The following CMIP variants were observed in gnomAD, a reference collection of about 807,000 sequenced individuals.
CMIP encodes C-Maf-inducing protein.
A neutral mutation model predicts 97.3 loss-of-function variants in CMIP; 13 were observed. That is an observed-to-expected ratio of 0.13 (90% CI 0.09 to 0.21). The LOEUF is 0.21. Ranked by LOEUF, CMIP falls within the 10% of genes least tolerant of loss-of-function variation. The pLI is 1.00. For missense variants in CMIP, 847 were observed against 1,024.9 expected, an observed-to-expected ratio of 0.83 and a Z score of 2.37; for synonymous variants, 538 against 436.3, an observed-to-expected ratio of 1.23 and a Z score of -2.91.
intron 14 of CMIP, among the ~76,000 whole-genome samples, chr16:81,698,989 C>T (rs778230369): frequency 1.1e-4 from 16 of 152,320 alleles, no homozygotes; most frequent in South Asian, 2.1e-4. Flanking sequence ...CAGTGGCTCA[C>T]GCCTGTAATC....
In CMIP at chr16:81,445,284, C is replaced by A. The variant is rs1457256388; in HGVS notation, c.43C>A (p.Gln15Lys). 1 of 1,550,060 alleles carries A rather than the reference C, an allele frequency of 6.5e-7. No individual in the cohort carries two copies. Among genetic ancestry groups the A allele is most frequent in the African/African-American group, 1.4e-5 (1 of 73,048 alleles). Reference sequence around the variant, plus strand: ...CTCGGGCGGCGGCGGCGACCCCCGGCAGATCGAGGAGACCAAGCCGCTGCT... The same window carrying A: ...CTCGGGCGGCGGCGGCGACCCCCGGAAGATCGAGGAGACCAAGCCGCTGCT... ...SSSGGGGDPRQIEETKPLLGG... is the reference protein window; with the variant it reads ...SSSGGGGDPRKIEETKPLLGG... The change falls in exon 1 of 21, where the codon CAG becomes AAG. Residue 15 changes from glutamine (Q) to lysine (K), a missense_variant. Physicochemically the swap from Gln to Lys is moderately conservative, Grantham distance 53. Around this residue, in one of 4 missense-constraint regions of CMIP, gnomAD observed 94 missense variants for 79.9 expected, o/e 1.18. Transcript: ENST00000537098.
At chr16:81,573,370 G>C (rs8062503) in intron 1 of CMIP, among the ~76,000 whole-genome samples, 95,696 of 151,470 alleles carry the variant, frequency 0.63, 30,409 homozygotes, top group Non-Finnish European at 0.65. Context: ...AAAAAGGCAT[G>C]TTTTCCCTAA....
At chr16:81,500,905 A>G (rs945143231) in intron 1 of CMIP, among the ~76,000 whole-genome samples, 2 of 151,960 alleles carry the variant, frequency 1.3e-5, no homozygotes, top group African/African-American at 4.8e-5. Context: ...GCGTCTTTGA[A>G]GTCCTCACGA....
chr16:81,604,858 G>T (rs975291390), intron 1 of CMIP, among the ~76,000 whole-genome samples: 1 of 152,192 alleles, frequency 6.6e-6, no homozygotes, highest in Non-Finnish European at 1.5e-5. Context: ...GTTGTGGGTG[G>T]TGCTTACAGT....
intron 1 of CMIP, among the ~76,000 whole-genome samples, chr16:81,556,519 A>G (rs1445837128): frequency 6.6e-6 from 1 of 152,176 alleles, no homozygotes; most frequent in East Asian, 1.9e-4. Flanking sequence ...CCGTTGTTTT[A>G]TCAGTGGCCC....
intron 6 of CMIP, among the ~76,000 whole-genome samples, chr16:81,661,715 T>C (rs938278612): frequency 6.6e-6 from 1 of 152,172 alleles, no homozygotes; most frequent in Non-Finnish European, 1.5e-5. Flanking sequence ...AAGGGGGCTG[T>C]GGTGCGCTTG....
At chr16:81,707,693 G>A (rs1394426238) in intron 20 of CMIP, among the ~76,000 whole-genome samples, 1 of 152,240 alleles carries the variant, frequency 6.6e-6, no homozygotes, top group Non-Finnish European at 1.5e-5. Flanking sequence ...GAAGGCAGGG[G>A]CGTTTTAAGA....
rs921965642 is a variant in CMIP, at chr16:81,453,604, G to A, written c.300+8063G>A. Among the ~76,000 whole-genome samples, 2 of 152,184 alleles carry A rather than the reference G, an allele frequency of 1.3e-5. No individual in the cohort carries two copies. Among genetic ancestry groups the A allele is most frequent in the Non-Finnish European group, 2.9e-5 (2 of 68,040 alleles). On this transcript the variant is annotated intron_variant, in intron 1 of 20. Coordinates refer to ENST00000537098, the MANE Select transcript of CMIP (RefSeq NM_198390.3). The surrounding 1 kb of genome is among the most constrained non-coding windows in gnomAD (Gnocchi z 4.0). ...TGTTTACCAACACACACACCGGTGCGAGGCTCTGCAGGGAAGGAGAGCCAC... is the reference window on the plus strand; with the variant it reads ...TGTTTACCAACACACACACCGGTGCAAGGCTCTGCAGGGAAGGAGAGCCAC...
Position 81,668,155 on chromosome 16 carries a change from T to A in CMIP, c.826-1987T>A, listed in dbSNP as rs1424665976. 2.0e-5 allele frequency among the ~76,000 whole-genome samples: 3 copies of A among 152,036 alleles called. No individual in the cohort carries two copies. The East Asian group carries it at 5.8e-4, about 29-fold the overall frequency. On this transcript the variant is annotated intron_variant, in intron 7 of 20. Coordinates refer to ENST00000537098, the MANE Select transcript of CMIP (RefSeq NM_198390.3). ...AAGTCCTGATGCAGGCTGCTCTCCT[T>A]AAAAAATGGGTTCCACTGAGATGGG...
At chr16:81,532,529 C>T (rs925458527) in intron 1 of CMIP, among the ~76,000 whole-genome samples, 2 of 152,154 alleles carry the variant, frequency 1.3e-5, no homozygotes, top group Non-Finnish European at 2.9e-5. Flanking sequence ...CAGGGACTAG[C>T]GCTGTTGCCC....
At chr16:81,635,714 C>T (rs1026355859) in intron 3 of CMIP, among the ~76,000 whole-genome samples, 12 of 152,142 alleles carry the variant, frequency 7.9e-5, no homozygotes, top group Admixed American at 3.3e-4. Flanking sequence ...CGTCTGCAAA[C>T]GATCTGGCCC....
Position 81,495,796 on chromosome 16 carries a change from G to T in CMIP, c.300+50255G>T, listed in dbSNP as rs555201312. On this transcript the variant is annotated intron_variant, in intron 1 of 20. Coordinates refer to ENST00000537098, the MANE Select transcript of CMIP (RefSeq NM_198390.3). ...AGCCATGGCCACTCACTCTCCTGGG[G>T]CATCTGCTGGCCTCCCTTAGTGACT... Among the ~76,000 whole-genome samples, 12 of 152,336 alleles carry T rather than the reference G, an allele frequency of 7.9e-5. 2 individuals are homozygous for T. Among genetic ancestry groups the T allele is most frequent in the African/African-American group, 2.9e-4 (12 of 41,574 alleles).
At chr16:81,447,482 G>C (rs762681048) in intron 1 of CMIP, among the ~76,000 whole-genome samples, 2 of 152,110 alleles carry the variant, frequency 1.3e-5, no homozygotes, top group Non-Finnish European at 2.9e-5. Flanking sequence ...AAAGAGGGAA[G>C]GAAGAAAGAC....
At chr16:81,643,643 T>G (rs1358996722) in intron 3 of CMIP, among the ~76,000 whole-genome samples, 2 of 151,928 alleles carry the variant, frequency 1.3e-5, no homozygotes, top group Non-Finnish European at 2.9e-5. Context: ...AATACAAAAA[T>G]TAGCCGGGTG....
chr16:81,558,403 G>C (rs1030845977), intron 1 of CMIP, among the ~76,000 whole-genome samples: 6 of 152,218 alleles, frequency 3.9e-5, no homozygotes, highest in African/African-American at 1.4e-4. Context: ...GAAATGGAAC[G>C]TCTGGATGAT....
intron 1 of CMIP, among the ~76,000 whole-genome samples, chr16:81,580,844 C>T (rs189674347): frequency 2.6e-5 from 4 of 152,180 alleles, no homozygotes; most frequent in Admixed American, 1.3e-4. Flanking sequence ...AGCAAATTCG[C>T]GATGTTGTGT....
At chr16:81,599,507 A>C (rs2091621982) in intron 1 of CMIP, among the ~76,000 whole-genome samples, 1 of 152,228 alleles carries the variant, frequency 6.6e-6, no homozygotes, top group Non-Finnish European at 1.5e-5. Context: ...GGGTAGCAAC[A>C]GAAGGGTGGA....
intron 1 of CMIP, among the ~76,000 whole-genome samples, chr16:81,572,733 C>G (rs78185744): frequency 1.1e-3 from 160 of 152,268 alleles, no homozygotes; most frequent in African/African-American, 3.7e-3. Flanking sequence ...GGCCCACAGT[C>G]CCAGAGTCAG....
In CMIP at chr16:81,497,205, C is replaced by A. The variant is rs573170493; in HGVS notation, c.300+51664C>A. Reference sequence around the variant, plus strand: ...CTCAGTAGCTTGGGGCTCCCCTCTGCTCAGGCAGACCTAGGGCTCTGATGG... The same window carrying A: ...CTCAGTAGCTTGGGGCTCCCCTCTGATCAGGCAGACCTAGGGCTCTGATGG... On this transcript the variant is annotated intron_variant, in intron 1 of 20. Transcript: ENST00000537098. 6.0e-4 allele frequency among the ~76,000 whole-genome samples: 92 copies of A among 152,358 alleles called. 1 individual carries two copies. In the South Asian group the frequency reaches 0.018, roughly 29 times the overall value.
Sources: gnomAD v4.1 joint callset for allele counts (sites outside exome capture counted in the v4.1 genomes callset) on GRCh38, gnomAD v4.1.1 for gene constraint, gnomAD v4.1.1 regional missense constraint, Gnocchi (gnomAD v3.1) non-coding constraint, MANE v1.5 for transcripts, NCBI Gene and HGNC (gene_info 2026-07-23, HGNC 2026-07-21) for gene names.